Variants in GABBR2 observed in about 807,000 individuals in gnomAD.
GABBR2 encodes the protein gamma-aminobutyric acid type B receptor subunit 2, also known as G-protein coupled receptor 51.
A neutral mutation model predicts 105.6 loss-of-function variants in GABBR2; 23 were observed. The observed-to-expected ratio is 0.22, with a 90% CI of 0.16 to 0.31. GABBR2 has a LOEUF of 0.31. Among genes scored for constraint, GABBR2 ranks in the 10% least tolerant of loss-of-function variants. GABBR2 has a pLI of 1.00. For missense variants in GABBR2, 734 were observed against 1,245.5 expected (o/e 0.59, Z 6.18); for synonymous variants, 478 against 499.7 (o/e 0.96, Z 0.58).
intron 13 of GABBR2, among the ~76,000 whole-genome samples, chr9:98,345,464 T>C (rs1187927185): frequency 6.6e-6 from 1 of 152,254 alleles, no homozygotes; most frequent in Non-Finnish European, 1.5e-5. Context: ...ATAGTGGCTT[T>C]TTAACTTTTT....
intron 2 of GABBR2, among the ~76,000 whole-genome samples, chr9:98,552,811 T>C (rs1828514205): frequency 6.6e-6 from 1 of 152,060 alleles, no homozygotes; most frequent in Non-Finnish European, 1.5e-5. Context: ...GTTAATGAGG[T>C]TTAGTTTTTC....
rs147173405 is a variant in GABBR2, at chr9:98,350,202, C to T, written c.1893+12513G>A. On this transcript the variant is annotated intron_variant, in intron 13 of 18. Transcript: ENST00000259455. Reference sequence around the variant, plus strand: ...CAAAAAAAAAAACCCCACAAGTTCTCATTTTCTTCATCCTTTGTATTTTTT... The same window carrying T: ...CAAAAAAAAAAACCCCACAAGTTCTTATTTTCTTCATCCTTTGTATTTTTT... Among the ~76,000 whole-genome samples, 388 of 147,690 alleles carry T rather than the reference C, an allele frequency of 2.6e-3. 2 individuals are homozygous for T. The highest frequency in any genetic ancestry group is 9.2e-3 in the African/African-American group (370 of 40,206).
At chr9:98,338,664 C>A (rs1831156806) in intron 13 of GABBR2, among the ~76,000 whole-genome samples, 1 of 152,198 alleles carries the variant, frequency 6.6e-6, no homozygotes, top group Non-Finnish European at 1.5e-5. Context: ...TTGGAACCCT[C>A]ATATATTGCT....
Position 98,454,035 on chromosome 9 carries a change from C to G in GABBR2, c.1182G>C (p.Thr394=), listed in dbSNP as rs779647290. 6.2e-7 allele frequency: 1 copy of G among 1,614,172 alleles called. No homozygotes were observed. Among genetic ancestry groups the G allele is most frequent in the Non-Finnish European group, 8.5e-7 (1 of 1,180,024 alleles). The part of the protein sequence containing the change: ...RIQDFNYTDH[T]LGRIILNAMN... ...TGGCATTGAGGATGATCCTGCCCAG[C>G]GTGTGGTCCGTGTAGTTGAAGTCCT... The change falls in exon 7 of 19, where the codon ACG becomes ACC. Residue 394 remains threonine (T), a synonymous_variant. Transcript: ENST00000259455. This position sits in a 1 kb window ranked among gnomAD's most constrained non-coding sequence, Gnocchi z 4.6.
intron 7 of GABBR2, among the ~76,000 whole-genome samples, chr9:98,438,572 C>T (rs574469823): frequency 5.9e-5 from 9 of 152,176 alleles, no homozygotes; most frequent in Admixed American, 2.0e-4. Context: ...TTCATGCAAG[C>T]GAATGAATTA....
chr9:98,707,622 G>C (rs1390525994), intron 1 of GABBR2, among the ~76,000 whole-genome samples: 1 of 152,238 alleles, frequency 6.6e-6, no homozygotes, highest in Non-Finnish European at 1.5e-5. Flanking sequence ...TCTGTGCTCC[G>C]GCTGCTAGGT....
intron 4 of GABBR2, among the ~76,000 whole-genome samples, chr9:98,492,869 T>C (rs1827206122): frequency 6.6e-6 from 1 of 152,218 alleles, no homozygotes; most frequent in Non-Finnish European, 1.5e-5. Context: ...CTTGATTGCC[T>C]CGCTAAGGGA....
intron 1 of GABBR2, among the ~76,000 whole-genome samples, chr9:98,579,991 A>C (rs1217267010): frequency 6.6e-6 from 1 of 152,194 alleles, no homozygotes; most frequent in African/African-American, 2.4e-5. Flanking sequence ...ACAGAATCAC[A>C]TCTTTGTACT....
intron 1 of GABBR2, among the ~76,000 whole-genome samples, chr9:98,590,369 C>A (rs916192131): frequency 7.2e-5 from 11 of 152,166 alleles, no homozygotes; most frequent in African/African-American, 2.4e-4. Flanking sequence ...AATTCTTGGC[C>A]GGCTGCAGAC....
At chr9:98,680,512 T>G (rs1012623551) in intron 1 of GABBR2, among the ~76,000 whole-genome samples, 2 of 152,074 alleles carry the variant, frequency 1.3e-5, no homozygotes, top group African/African-American at 4.8e-5. Context: ...GGTTTCACCG[T>G]GTTAGCCATG....
chr9:98,604,080 T>G (rs1193506330), intron 1 of GABBR2, among the ~76,000 whole-genome samples: 2 of 152,222 alleles, frequency 1.3e-5, no homozygotes, highest in Non-Finnish European at 2.9e-5. Context: ...TTTTCAAAGA[T>G]GCAGACCACT....
intron 3 of GABBR2, among the ~76,000 whole-genome samples, chr9:98,508,468 C>T (rs11794615): frequency 0.11 from 17,294 of 152,236 alleles, 1,658 homozygotes; most frequent in East Asian, 0.5. Flanking sequence ...GGCAAGGCAT[C>T]GCCTCACCAG....
At chr9:98,553,639 T>C (rs937713241) in intron 2 of GABBR2, among the ~76,000 whole-genome samples, 1 of 152,102 alleles carries the variant, frequency 6.6e-6, no homozygotes, top group Non-Finnish European at 1.5e-5. Flanking sequence ...CTTAGATATT[T>C]TGACTTCTTG....
chr9:98,401,076 A>G (rs1436337201), intron 8 of GABBR2, among the ~76,000 whole-genome samples: 1 of 152,142 alleles, frequency 6.6e-6, no homozygotes, highest in Non-Finnish European at 1.5e-5. Context: ...TGCCCAAGAG[A>G]GAAGGAAGCC....
At chr9:98,486,377 C>G (rs1283918628) in intron 4 of GABBR2, among the ~76,000 whole-genome samples, 2 of 152,220 alleles carry the variant, frequency 1.3e-5, no homozygotes, top group Non-Finnish European at 2.9e-5. Context: ...ATGGCAAATG[C>G]AATCCTGAGC....
intron 2 of GABBR2, among the ~76,000 whole-genome samples, chr9:98,562,096 C>G (rs1828680938): frequency 6.6e-6 from 1 of 152,016 alleles, no homozygotes; most frequent in South Asian, 2.1e-4. Context: ...ACCACCTTAA[C>G]CAAGTGATCA....
At chr9:98,356,730 T>G (rs591019) in intron 13 of GABBR2, among the ~76,000 whole-genome samples, 94,079 of 152,066 alleles carry the variant, frequency 0.62, 29,527 homozygotes, top group Admixed American at 0.72. Flanking sequence ...AGCAGCCTTA[T>G]GTATAATTGC....
At chr9:98,571,842 G>A (rs776780330) in intron 2 of GABBR2, among the ~76,000 whole-genome samples, 4 of 152,178 alleles carry the variant, frequency 2.6e-5, no homozygotes, top group Non-Finnish European at 4.4e-5. Context: ...AGGTGGAAAC[G>A]CTGCTCCCTG....
chr9:98,447,309 C>A (rs1225995580), intron 7 of GABBR2, among the ~76,000 whole-genome samples: 1 of 112,776 alleles, frequency 8.9e-6, no homozygotes, highest in Non-Finnish European at 2.0e-5. Context: ...GTGATCCACC[C>A]GCCTCGGCCT....
Sources: allele counts gnomAD v4.1 joint callset (sites outside exome capture counted in the v4.1 genomes callset), GRCh38; gene constraint gnomAD v4.1.1; non-coding constraint Gnocchi (gnomAD v3.1); transcripts MANE v1.5; gene names NCBI Gene and HGNC (gene_info 2026-07-23, HGNC 2026-07-21).